Variants in DGKB observed in about 807,000 individuals in gnomAD.
DGKB encodes the protein diacylglycerol kinase beta.
In DGKB, 67 loss-of-function variants were observed where a neutral mutation model predicts 114.3. The ratio of observed to expected loss-of-function variants is 0.59; its 90% CI spans 0.48 to 0.72. The LOEUF (loss-of-function observed/expected upper bound fraction) is 0.72, where lower values mean the gene tolerates loss of function less well. Among genes scored for constraint, DGKB ranks in the 30% least tolerant of loss-of-function variants. The pLI, the probability that DGKB is intolerant of heterozygous loss-of-function variation, is 0.00. For synonymous variants in DGKB, 398 were observed against 323.1 expected (o/e 1.23, Z -2.49); for missense variants, 907 against 975.2 (o/e 0.93, Z 0.93).
chr7:14,327,164 C>A (rs532500001), intron 23 of DGKB, among the ~76,000 whole-genome samples: 1 of 152,150 alleles, frequency 6.6e-6, no homozygotes, highest in East Asian at 1.9e-4. Flanking sequence ...ATAAACAGCA[C>A]ATTCATTTCA....
At chr7:14,255,384 T>C (rs1795816620) in intron 23 of DGKB, among the ~76,000 whole-genome samples, 1 of 152,142 alleles carries the variant, frequency 6.6e-6, no homozygotes. Flanking sequence ...CTTATGATGA[T>C]AAAGATCAAG....
chr7:14,887,428 G>C (rs1780476573), intron 1 of DGKB, among the ~76,000 whole-genome samples: 1 of 151,626 alleles, frequency 6.6e-6, no homozygotes, highest in African/African-American at 2.4e-5. Context: ...CAAAAAAATT[G>C]GTTTACTCCA....
At chr7:14,348,938 T>C (rs1812951120) in intron 21 of DGKB, among the ~76,000 whole-genome samples, 3 of 151,958 alleles carry the variant, frequency 2.0e-5, no homozygotes, top group Non-Finnish European at 4.4e-5. Context: ...TTTCAGAACA[T>C]GTAAACAAAG....
intron 16 of DGKB, among the ~76,000 whole-genome samples, chr7:14,612,093 C>G (rs1805647561): frequency 6.6e-6 from 1 of 151,282 alleles, no homozygotes; most frequent in African/African-American, 2.4e-5. Context: ...AAAATAATTT[C>G]TATCATGTTT....
intron 23 of DGKB, among the ~76,000 whole-genome samples, chr7:14,299,161 AT>A (rs1562874349): frequency 6.6e-6 from 1 of 152,132 alleles, no homozygotes; most frequent in East Asian, 1.9e-4. Context: ...TCATAACTCT[AT>A]TCCAAATCTA....
chr7:14,637,308 A>G (rs945616167), intron 13 of DGKB, among the ~76,000 whole-genome samples: 5 of 152,016 alleles, frequency 3.3e-5, no homozygotes, highest in African/African-American at 1.2e-4. Flanking sequence ...AGATACAGAA[A>G]AAGGTTTTAT....
intron 13 of DGKB, among the ~76,000 whole-genome samples, chr7:14,642,566 C>A (rs757677861): frequency 2.6e-5 from 4 of 152,076 alleles, no homozygotes; most frequent in African/African-American, 4.8e-5. Context: ...AATCTAAGGT[C>A]TCAGTAACCA....
intron 23 of DGKB, among the ~76,000 whole-genome samples, chr7:14,193,036 G>C (rs999286812): frequency 1.3e-5 from 2 of 151,938 alleles, no homozygotes; most frequent in Non-Finnish European, 2.9e-5. Context: ...GCGAGTGATG[G>C]GGAGCAGCTA....
intron 21 of DGKB, among the ~76,000 whole-genome samples, chr7:14,423,194 C>A (rs1166146526): frequency 6.6e-6 from 1 of 151,994 alleles, no homozygotes; most frequent in Non-Finnish European, 1.5e-5. Flanking sequence ...GATTGCTAGA[C>A]AATAGTCAGC....
chr7:14,417,713 A>G (rs778589548), intron 21 of DGKB, among the ~76,000 whole-genome samples: 4 of 151,518 alleles, frequency 2.6e-5, no homozygotes, highest in Non-Finnish European at 5.9e-5. Flanking sequence ...TTTTTTTTTA[A>G]CTTGTACAGT....
At chr7:14,658,742 T>C (rs1554580334) in intron 13 of DGKB, among the ~76,000 whole-genome samples, 2 of 151,790 alleles carry the variant, frequency 1.3e-5, no homozygotes, top group Non-Finnish European at 2.9e-5. Context: ...TTTATAATTT[T>C]AATAAATATG....
chr7:14,161,090 T>A (rs1783808379), intron 25 of DGKB, among the ~76,000 whole-genome samples: 1 of 152,064 alleles, frequency 6.6e-6, no homozygotes, highest in African/African-American at 2.4e-5. Flanking sequence ...ATTAGAGAAA[T>A]GCAAATCAAA....
At chr7:14,575,602 A>C (rs1799004820) in intron 19 of DGKB, among the ~76,000 whole-genome samples, 1 of 152,168 alleles carries the variant, frequency 6.6e-6, no homozygotes, top group Admixed American at 6.5e-5. Context: ...ATGAGTCCTA[A>C]AACAGAGAAT....
At chr7:14,858,002 C>T (rs1298613489) in intron 1 of DGKB, among the ~76,000 whole-genome samples, 1 of 152,068 alleles carries the variant, frequency 6.6e-6, no homozygotes, top group Non-Finnish European at 1.5e-5. Flanking sequence ...ATAATTAATG[C>T]TCAAAGGATA....
chr7:14,963,469 A>G (rs902062665), intron 1 of DGKB, among the ~76,000 whole-genome samples: 1 of 152,182 alleles, frequency 6.6e-6, no homozygotes, highest in Non-Finnish European at 1.5e-5. Context: ...GAACAGTCAG[A>G]ATTCAATTTA....
chr7:14,621,867 G>T (rs1807718829), intron 14 of DGKB, among the ~76,000 whole-genome samples: 1 of 152,024 alleles, frequency 6.6e-6, no homozygotes, highest in Non-Finnish European at 1.5e-5. Context: ...ACTAAGAAAA[G>T]CTTATAAATA....
chr7:14,324,374 G>C (rs1808356640), intron 23 of DGKB, among the ~76,000 whole-genome samples: 1 of 150,208 alleles, frequency 6.7e-6, no homozygotes, highest in Admixed American at 6.7e-5. Context: ...TTGACCCCAG[G>C]AGGCAGAGTT....
chr7:14,491,521 T>A (rs1784596660), intron 20 of DGKB, among the ~76,000 whole-genome samples: 1 of 152,132 alleles, frequency 6.6e-6, no homozygotes, highest in African/African-American at 2.4e-5. Flanking sequence ...ATTCACTTGA[T>A]GTTAATTTTC....
chr7:14,235,715 A>C (rs1792658133), intron 23 of DGKB, among the ~76,000 whole-genome samples: 1 of 152,118 alleles, frequency 6.6e-6, no homozygotes, highest in African/African-American at 2.4e-5. Context: ...CAATACCCTT[A>C]ATTGTTTTTC....
Sources: gnomAD v4.1 joint callset for allele counts (sites outside exome capture counted in the v4.1 genomes callset) on GRCh38, gnomAD v4.1.1 for gene constraint, MANE v1.5 for transcripts, NCBI Gene and HGNC (gene_info 2026-07-23, HGNC 2026-07-21) for gene names.